NKTR: variants seen among roughly 807,000 people sequenced by gnomAD.
NKTR encodes the protein NK-tumor recognition protein.
In NKTR, 67 loss-of-function variants were observed where a neutral mutation model predicts 156.3. The observed-to-expected ratio is 0.43, with a 90% confidence interval of 0.35 to 0.53. The LOEUF is 0.53. NKTR is among the 20% of genes least tolerant of loss of function. NKTR has a pLI of 0.01. For synonymous variants in NKTR, 640 were observed against 596.6 expected (o/e 1.07, Z -1.06); for missense variants, 1,604 against 1,730.9 (o/e 0.93, Z 1.30).
At chr3:42,640,264 T>A (rs1030517228) in intron 13 of NKTR, among the ~76,000 whole-genome samples, 1 of 152,214 alleles carries the variant, frequency 6.6e-6, no homozygotes, top group Non-Finnish European at 1.5e-5. Context: ...ATAAAAGAAT[T>A]TAAAACACCT....
intron 13 of NKTR, among the ~76,000 whole-genome samples, 193 bp downstream of exon 13, chr3:42,639,943 G>C (rs1709739361): frequency 8.6e-6 from 1 of 116,290 alleles, no homozygotes; most frequent in African/African-American, 4.9e-5. Flanking sequence ...ATTTGGGCTG[G>C]GTTTACAAAA....
intron 2 of NKTR, among the ~76,000 whole-genome samples, chr3:42,607,007 C>G (rs1706304763): frequency 6.6e-6 from 1 of 152,074 alleles, no homozygotes; most frequent in Admixed American, 6.5e-5. Context: ...GATACGTAAT[C>G]ACTTTTGGTG....
Position 42,638,356 on chromosome 3 carries a change from A to G in NKTR, c.2652A>G (p.Lys884=), listed in dbSNP as rs35506005. 12,747 of 1,613,630 alleles carry G rather than the reference A, an allele frequency of 7.9e-3. 468 individuals carry two copies. The East Asian group carries it at 0.11, about 14-fold the overall frequency. ...KPKRKNYAGS[K]WDSESNSERD... ...AAAGGAAGAATTATGCTGGTAGTAA[A>G]TGGGACTCTGAGTCAAATTCAGAAC... is the stretch of plus-strand genomic sequence containing the variant. The change falls in exon 13 of 17, where the codon AAA becomes AAG. Residue 884 remains lysine (K), a synonymous_variant. Coordinates refer to ENST00000232978, the MANE Select transcript of NKTR (RefSeq NM_005385.4).
intron 6 of NKTR, among the ~76,000 whole-genome samples, chr3:42,625,089 T>A (rs1322602262): frequency 6.6e-6 from 1 of 152,168 alleles, no homozygotes; most frequent in East Asian, 1.9e-4. Flanking sequence ...AGTTCCTGAA[T>A]GTGTGGAATG....
At chr3:42,622,647 A>G (rs1053701303) in intron 6 of NKTR, among the ~76,000 whole-genome samples, 6 of 152,094 alleles carry the variant, frequency 3.9e-5, no homozygotes, top group Non-Finnish European at 8.8e-5. Context: ...TAAAAGACCT[A>G]CAACAGTTGT....
chr3:42,610,874 A>G (rs1706727853), intron 2 of NKTR, among the ~76,000 whole-genome samples: 1 of 152,196 alleles, frequency 6.6e-6, no homozygotes, highest in African/African-American at 2.4e-5. Flanking sequence ...TATCTAAAGA[A>G]TTAATAGCAG....
chr3:42,621,026 G>A, intron 5 of NKTR: 1 of 976,782 alleles, frequency 1.0e-6, no homozygotes. Flanking sequence ...CACCTAAAAA[G>A]ATTATTGAAC....
At chr3:42,629,757 G>A in intron 6 of NKTR, 1 of 985,276 alleles carries the variant, frequency 1.0e-6, no homozygotes. Flanking sequence ...AATGCTATGG[G>A]AAAACTAGCT....
chr3:42,636,351 T>G (rs1709413455), intron 12 of NKTR, among the ~76,000 whole-genome samples: 1 of 152,224 alleles, frequency 6.6e-6, no homozygotes, highest in Non-Finnish European at 1.5e-5. Context: ...TTTTGTGTAC[T>G]TTTTCCTCAA....
intron 6 of NKTR, chr3:42,627,837 C>T: frequency 1.0e-6 from 1 of 985,256 alleles, no homozygotes; most frequent in Middle Eastern, 5.2e-4. Flanking sequence ...GAGCATGTGT[C>T]ACCATTGCAC....
chr3:42,629,183 A>ACTAGTGG, intron 6 of NKTR: 4 of 984,934 alleles, frequency 4.1e-6, no homozygotes, highest in Non-Finnish European at 4.8e-6. Flanking sequence ...TGATTTAAAC[A>ACTAGTGG]CTAGTGGCTC....
chr3:42,619,615 A>G, intron 4 of NKTR, 49 bp from the exon 5 acceptor site: 1 of 1,602,446 alleles, frequency 6.2e-7, no homozygotes, highest in Non-Finnish European at 8.5e-7. Flanking sequence ...TTTCTGTGTT[A>G]GTATATTTTT....
chr3:42,639,085 C>T lies in NKTR; in HGVS notation c.3381C>T (p.Asp1127=). 6.2e-7 allele frequency: 1 copy of T among 1,613,984 alleles called. No individual in the cohort carries two copies. Among genetic ancestry groups the T allele is most frequent in the East Asian group, 2.2e-5 (1 of 44,868 alleles). Residue 1127 remains aspartate (D), a synonymous_variant, in exon 13 of 17, where the codon GAC becomes GAT. Coordinates refer to ENST00000232978, the MANE Select transcript of NKTR (RefSeq NM_005385.4). ...TGGAAGATGTGCTTCAAACAGATGA[C>T]AACATGGAGATCTGCACTCCTGATA... is the stretch of plus-strand genomic sequence containing the variant. ...NGVEDVLQTD[D]NMEICTPDRS... is the part of the protein sequence containing the mutation.
chr3:42,642,574 T>C lies in NKTR; in HGVS notation c.4120T>C (p.Tyr1374His). ...RGRTRSRSSS[Y>H]RSYKSHRTSS... ...CCGAACCAGAAGCCGGAGCAGTTCC[T>C]ACCGGAGTTACAAAAGTCACAGGTG... is the stretch of plus-strand genomic sequence containing the variant. The change falls in exon 14 of 17, where the codon TAC (tyrosine) becomes CAC (histidine). Residue 1374 changes from tyrosine (Y) to histidine (H), a missense_variant. Around this residue, in one of 6 missense-constraint regions of NKTR, gnomAD observed 193 missense variants for 220.2 expected, o/e 0.88. Transcript: ENST00000232978. 6.2e-7 allele frequency: 1 copy of C among 1,614,054 alleles called. No individual in the cohort carries two copies. The highest frequency in any genetic ancestry group is 1.3e-5 in the African/African-American group (1 of 75,060).
At position 42,646,154 on chromosome 3, in the gene NKTR, C is replaced by A; in HGVS notation, c.*179C>A. The A allele has an allele frequency of 2.2e-6, 1 of 448,102 alleles. No individual in the cohort carries two copies. Among genetic ancestry groups the A allele is most frequent in the Non-Finnish European group, 4.1e-6 (1 of 243,482 alleles). The allele number at this position is 448,102 out of a possible 1,614,324, so 27.8% of individuals were successfully genotyped here. ...AAGAATTTAAAATACAGATATGTCT[C>A]CTAAAAATATTTTTATGCCACATTT... On this transcript the variant is annotated 3_prime_UTR_variant, in exon 17 of 17. Transcript: ENST00000232978.
chr3:42,633,494 C>G, intron 9 of NKTR, 86 bp from the exon 10 acceptor site: 3 of 1,519,470 alleles, frequency 2.0e-6, no homozygotes, highest in Non-Finnish European at 2.6e-6. Flanking sequence ...GTTAATTATG[C>G]TGTTGTTTTA....
In NKTR at chr3:42,646,830, T is replaced by G. The variant is rs145235635; in HGVS notation, c.*855T>G. ...CAAAATCACTGGCACCAAAAATGGT[T>G]TATTCTGAGCTGTCTTCACTTTGAC... On this transcript the variant is annotated 3_prime_UTR_variant, in exon 17 of 17. Coordinates refer to ENST00000232978, the MANE Select transcript of NKTR (RefSeq NM_005385.4). The G allele has an allele frequency of 1.7e-3, 257 of 152,712 alleles. 1 individual carries two copies. The highest frequency in any genetic ancestry group is 5.9e-3 in the African/African-American group (246 of 41,556). 9.5% of individuals were successfully genotyped at this position (152,712 alleles called of 1,614,324 possible).
chr3:42,627,737 A>T, intron 6 of NKTR: 1 of 983,562 alleles, frequency 1.0e-6, no homozygotes, highest in African/African-American at 1.7e-5. Flanking sequence ...ACAATTTGAA[A>T]TGTTCTTTGT....
intron 2 of NKTR, among the ~76,000 whole-genome samples, chr3:42,608,015 G>GT (rs1316324247): frequency 1.9e-5 from 1 of 51,902 alleles, no homozygotes; most frequent in African/African-American, 6.4e-5. Context: ...TTTTTTTTGA[G>GT]TTTCCTTCTT....
Sources: allele counts gnomAD v4.1 joint callset (sites outside exome capture counted in the v4.1 genomes callset), GRCh38; gene constraint gnomAD v4.1.1; regional missense constraint gnomAD v4.1.1; transcripts MANE v1.5; gene names NCBI Gene and HGNC (gene_info 2026-07-23, HGNC 2026-07-21).